RPS6KC1: variants seen among roughly 807,000 people sequenced by gnomAD.
RPS6KC1 encodes inactive ribosomal protein S6 kinase delta-1.
In RPS6KC1, 54 loss-of-function variants were observed where a neutral mutation model predicts 103.8. That is an observed-to-expected ratio of 0.52 (90% confidence interval 0.42 to 0.65). The LOEUF is 0.65. Ranked by LOEUF, RPS6KC1 falls within the 30% of genes least tolerant of loss-of-function variation. The pLI is 0.00. For missense variants in RPS6KC1, 1,151 were observed against 1,253.8 expected (o/e 0.92, Z 1.24); for synonymous variants, 439 against 438.7 (o/e 1.00, Z -0.01).
chr1:213,618,072 G>A, the RPS6KC1 span, among the ~76,000 whole-genome samples: 1 of 152,078 alleles, frequency 6.6e-6, no homozygotes, highest in South Asian at 2.1e-4. Flanking sequence ...GTGAAAAACT[G>A]GGCCAACTTA....
At chr1:213,628,837 T>C in the RPS6KC1 span, among the ~76,000 whole-genome samples, 3 of 152,244 alleles carry the variant, frequency 2.0e-5, no homozygotes, top group Admixed American at 2.0e-4. Context: ...CATTTCGTTA[T>C]GTACCCAGCA....
the RPS6KC1 span, among the ~76,000 whole-genome samples, chr1:213,461,744 C>T: frequency 1.3e-5 from 2 of 152,104 alleles, no homozygotes; most frequent in Admixed American, 1.3e-4. Context: ...TGAAACTGGA[C>T]CCCTTCCTTA....
the RPS6KC1 span, among the ~76,000 whole-genome samples, chr1:213,600,508 ACTC>A: frequency 6.6e-6 from 1 of 151,192 alleles, no homozygotes; most frequent in Admixed American, 6.6e-5. Flanking sequence ...ATGCACTTGA[ACTC>A]CTTCCCTGAG....
the RPS6KC1 span, among the ~76,000 whole-genome samples, chr1:213,784,016 G>A: frequency 1.3e-5 from 2 of 152,078 alleles, no homozygotes; most frequent in African/African-American, 2.4e-5. Flanking sequence ...CCACAACAAG[G>A]CTTTGCTACT....
At chr1:213,220,725 AT>A (rs1457492747) in intron 8 of RPS6KC1, among the ~76,000 whole-genome samples, 2 of 152,238 alleles carry the variant, frequency 1.3e-5, no homozygotes, top group African/African-American at 4.8e-5. Context: ...TTTAAAATAC[AT>A]TTTAAAAAGC....
chr1:213,341,160 C>G, the RPS6KC1 span, among the ~76,000 whole-genome samples: 14 of 152,306 alleles, frequency 9.2e-5, no homozygotes, highest in South Asian at 6.2e-4. Context: ...GACCTCTATG[C>G]CTTCTGCTCC....
chr1:213,137,799 A>ATATATATT (rs1572765998), intron 6 of RPS6KC1, among the ~76,000 whole-genome samples: 4 of 13,996 alleles, frequency 2.9e-4, no homozygotes, highest in African/African-American at 3.7e-4. Context: ...ATATATATAT[A>ATATATATT]TTTTTTTTTT....
At chr1:213,462,701 G>A in the RPS6KC1 span, among the ~76,000 whole-genome samples, 1 of 152,208 alleles carries the variant, frequency 6.6e-6, no homozygotes, top group Admixed American at 6.5e-5. Context: ...GTTGAACAAT[G>A]AGAACACATG....
At chr1:213,178,088 G>A (rs904149607) in intron 8 of RPS6KC1, among the ~76,000 whole-genome samples, 2 of 151,568 alleles carry the variant, frequency 1.3e-5, no homozygotes, top group African/African-American at 4.9e-5. Context: ...GGGAGGCTGA[G>A]GGGAAAGGAT....
chr1:213,320,406 T>A, the RPS6KC1 span, among the ~76,000 whole-genome samples: 1 of 152,262 alleles, frequency 6.6e-6, no homozygotes, highest in Non-Finnish European at 1.5e-5. Flanking sequence ...GGTTTTACCA[T>A]GGGCTGGGTA....
At chr1:213,831,354 G>A in the RPS6KC1 span, among the ~76,000 whole-genome samples, 1 of 152,148 alleles carries the variant, frequency 6.6e-6, no homozygotes, top group African/African-American at 2.4e-5. Context: ...TCAGTAGTAG[G>A]AGGTGTGACA....
intron 1 of RPS6KC1, among the ~76,000 whole-genome samples, chr1:213,058,594 T>C (rs1419698944): frequency 6.6e-6 from 1 of 152,190 alleles, no homozygotes; most frequent in Non-Finnish European, 1.5e-5. Flanking sequence ...CAATTGACTA[T>C]ATATGTGTAA....
At chr1:213,861,336 G>C in the RPS6KC1 span, among the ~76,000 whole-genome samples, 2 of 152,130 alleles carry the variant, frequency 1.3e-5, no homozygotes, top group African/African-American at 4.8e-5. Flanking sequence ...AGAATACAGG[G>C]AGAAGGCCCC....
At chr1:213,618,249 T>C in the RPS6KC1 span, among the ~76,000 whole-genome samples, 1 of 152,230 alleles carries the variant, frequency 6.6e-6, no homozygotes, top group East Asian at 1.9e-4. Context: ...TACATTTAGT[T>C]AGCAGCATGA....
the RPS6KC1 span, among the ~76,000 whole-genome samples, chr1:213,421,743 C>A: frequency 3.3e-5 from 5 of 152,198 alleles, no homozygotes. Context: ...GGTAGGTGCT[C>A]CCAACACTTC....
chr1:213,830,954 C>G, the RPS6KC1 span, among the ~76,000 whole-genome samples: 1 of 152,142 alleles, frequency 6.6e-6, no homozygotes, highest in Non-Finnish European at 1.5e-5. Flanking sequence ...CTCTGGGCAG[C>G]TCAAAGACCC....
At chr1:213,301,221 G>C in the RPS6KC1 span, among the ~76,000 whole-genome samples, 4 of 152,106 alleles carry the variant, frequency 2.6e-5, no homozygotes, top group Non-Finnish European at 5.9e-5. Context: ...TATTATTTTA[G>C]TAGGGTTCTA....
At chr1:213,232,023 C>T in intron 9 of RPS6KC1, 100 bp from the exon 10 acceptor site, 12 of 1,444,500 alleles carry the variant, frequency 8.3e-6, no homozygotes, top group South Asian at 3.7e-5. Flanking sequence ...CAGAGTAACT[C>T]GGATAGATTA....
chr1:213,601,927 C>G, the RPS6KC1 span, among the ~76,000 whole-genome samples: 1 of 131,978 alleles, frequency 7.6e-6, no homozygotes, highest in Admixed American at 7.9e-5. Flanking sequence ...CTCCCTCCCT[C>G]CCTTCCTTCC....
Sources: allele counts gnomAD v4.1 joint callset (sites outside exome capture counted in the v4.1 genomes callset), GRCh38; gene constraint gnomAD v4.1.1; transcripts MANE v1.5; gene names NCBI Gene and HGNC (gene_info 2026-07-23, HGNC 2026-07-21).